PSME3IP1: variants seen among roughly 807,000 people sequenced by gnomAD.
The protein encoded by PSME3IP1 is proteasome activator subunit 3 interacting protein 1.
In PSME3IP1, 13 loss-of-function variants were observed where a neutral mutation model predicts 34.1. That is an observed-to-expected ratio of 0.38 (90% CI 0.25 to 0.61). PSME3IP1 has a LOEUF of 0.61. Among genes scored for constraint, PSME3IP1 ranks in the 20% least tolerant of loss-of-function variants. The pLI is 0.60. For synonymous variants in PSME3IP1, 93 were observed against 114.3 expected (o/e 0.81, Z 1.19); for missense variants, 237 against 301.4 (o/e 0.79, Z 1.58).
At chr16:57,172,184 A>C in intron 4 of PSME3IP1, 67 bp downstream of exon 4, 1 of 1,559,478 alleles carries the variant, frequency 6.4e-7, no homozygotes, top group Non-Finnish European at 8.8e-7. Context: ...TGATGAGGAG[A>C]CAACATCCAT....
At position 57,152,858 on chromosome 16, in the gene PSME3IP1, G is replaced by T. The variant is rs1344419843; in HGVS notation, c.*1432C>A. On this transcript the variant is annotated 3_prime_UTR_variant, in exon 7 of 7. Coordinates refer to ENST00000309137, the MANE Select transcript of PSME3IP1 (RefSeq NM_024946.4). ...TATGGGTGCAGGGAAGTCGCCATCT[G>T]CCAATGGGCACCAGAGTGTCACTGT... 6.6e-6 allele frequency: 1 copy of T among 152,596 alleles called. No homozygotes were observed. The highest frequency in any genetic ancestry group is 1.5e-5 in the Non-Finnish European group (1 of 68,076). 9.5% of individuals were successfully genotyped at this position (152,596 alleles called of 1,614,324 possible).
chr16:57,162,341 A>C (rs1433055865), intron 6 of PSME3IP1, among the ~76,000 whole-genome samples: 2 of 152,204 alleles, frequency 1.3e-5, no homozygotes, highest in Non-Finnish European at 2.9e-5. Context: ...TACAGTTGAG[A>C]GATATAAATG....
intron 5 of PSME3IP1, among the ~76,000 whole-genome samples, chr16:57,164,303 C>T (rs2071603809): frequency 1.3e-5 from 2 of 152,210 alleles, no homozygotes; most frequent in African/African-American, 2.4e-5. Flanking sequence ...TATCAACCAT[C>T]ACTTCAACTT....
intron 1 of PSME3IP1, among the ~76,000 whole-genome samples, chr16:57,180,505 G>A (rs1041505766): frequency 5.9e-5 from 9 of 152,028 alleles, no homozygotes; most frequent in Non-Finnish European, 1.0e-4. Flanking sequence ...CAGGAGAATC[G>A]CTTGAACCCA....
intron 1 of PSME3IP1, among the ~76,000 whole-genome samples, chr16:57,179,355 T>C (rs2073486430): frequency 6.6e-6 from 1 of 152,240 alleles, no homozygotes; most frequent in Non-Finnish European, 1.5e-5. Flanking sequence ...CAAATCTGCC[T>C]GACCGTCAAG....
At chr16:57,176,854 T>C (rs757837207) in intron 1 of PSME3IP1, among the ~76,000 whole-genome samples, 5 of 151,990 alleles carry the variant, frequency 3.3e-5, no homozygotes, top group Non-Finnish European at 7.4e-5. Flanking sequence ...TTGTTATATA[T>C]ATATAATTTT....
Position 57,163,981 on chromosome 16 carries a change from T to C in PSME3IP1, c.547+20A>G, listed in dbSNP as rs1330761810. On this transcript the variant is annotated intron_variant, in intron 6 of 6. Transcript: ENST00000309137. ...CATGTGTATTCTGAGTACAAGGAAGTAATGAAGGCTGCCACCCACCTTGAT... is the reference window on the plus strand; with the variant it reads ...CATGTGTATTCTGAGTACAAGGAAGCAATGAAGGCTGCCACCCACCTTGAT... 6.2e-7 allele frequency: 1 copy of C among 1,612,540 alleles called. No individual in the cohort carries two copies. The highest frequency in any genetic ancestry group is 1.3e-5 in the African/African-American group (1 of 74,998).
At chr16:57,183,534 T>C (rs981785818) in intron 1 of PSME3IP1, among the ~76,000 whole-genome samples, 2 of 152,122 alleles carry the variant, frequency 1.3e-5, no homozygotes, top group African/African-American at 2.4e-5. Context: ...GGTTTCACCA[T>C]GTTGGCCAGG....
At chr16:57,156,247 C>T (rs76088047) in intron 6 of PSME3IP1, among the ~76,000 whole-genome samples, 5,423 of 152,240 alleles carry the variant, frequency 0.036, 102 homozygotes, top group Middle Eastern at 0.11. Flanking sequence ...AGAGAACATA[C>T]GAAAATGATA....
chr16:57,157,897 T>G (rs1437449139), intron 6 of PSME3IP1, among the ~76,000 whole-genome samples: 1 of 152,226 alleles, frequency 6.6e-6, no homozygotes, highest in African/African-American at 2.4e-5. Context: ...CATTTATCTC[T>G]GTAACCCCAA....
intron 2 of PSME3IP1, 94 bp downstream of exon 2, chr16:57,173,634 A>C (rs1307702536): frequency 3.4e-6 from 5 of 1,481,018 alleles, no homozygotes; most frequent in Non-Finnish European, 9.2e-7. Flanking sequence ...GTCTCAAAAA[A>C]ATAAATAAAT....
intron 6 of PSME3IP1, among the ~76,000 whole-genome samples, chr16:57,155,211 A>C (rs1181114501): frequency 6.6e-6 from 1 of 152,210 alleles, no homozygotes; most frequent in African/African-American, 2.4e-5. Flanking sequence ...AGAAAACTGA[A>C]GCCTGTCAGG....
rs190005834 is a variant in PSME3IP1 at position 57,162,397 on chromosome 16, G to C, written c.547+1604C>G. 7.9e-5 allele frequency among the ~76,000 whole-genome samples: 12 copies of C among 152,242 alleles called. No homozygotes were observed. In the East Asian group the frequency reaches 2.1e-3, roughly 27 times the overall value. On this transcript the variant is annotated intron_variant, in intron 6 of 6. Coordinates refer to ENST00000309137, the MANE Select transcript of PSME3IP1 (RefSeq NM_024946.4). ...TAAAAACTGCTGACTGGGTGTGGTG[G>C]CTCACACCTGTAATCCCAGCACTTT...
At chr16:57,174,545 C>T in intron 1 of PSME3IP1, 1 of 985,430 alleles carries the variant, frequency 1.0e-6, no homozygotes, top group Non-Finnish European at 1.2e-6. Context: ...TCTCATCCTC[C>T]TTTATTTCTG....
chr16:57,157,267 C>G (rs753465870), intron 6 of PSME3IP1, among the ~76,000 whole-genome samples: 1 of 147,936 alleles, frequency 6.8e-6, no homozygotes, highest in Non-Finnish European at 1.5e-5. Flanking sequence ...GAGCCATGAT[C>G]GCACCACAGA....
chr16:57,184,025 T>C (rs1228700910), intron 1 of PSME3IP1, among the ~76,000 whole-genome samples: 1 of 152,072 alleles, frequency 6.6e-6, no homozygotes, highest in Non-Finnish European at 1.5e-5. Flanking sequence ...TTTAAAGAAA[T>C]AAAATTAAGC....
At chr16:57,172,427 T>G in intron 3 of PSME3IP1, 55 bp from the exon 4 acceptor site, 1 of 1,573,316 alleles carries the variant, frequency 6.4e-7, no homozygotes, top group Admixed American at 1.9e-5. Flanking sequence ...AAAATAAGAT[T>G]TTTCCTTTCC....
intron 6 of PSME3IP1, among the ~76,000 whole-genome samples, chr16:57,158,544 C>T (rs1442104341): frequency 6.6e-6 from 1 of 152,012 alleles, no homozygotes; most frequent in Admixed American, 6.6e-5. Context: ...GCCGGGATCG[C>T]ACCACCCCAC....
At chr16:57,174,464 T>C in intron 1 of PSME3IP1, 1 of 985,422 alleles carries the variant, frequency 1.0e-6, no homozygotes, top group Non-Finnish European at 1.2e-6. Flanking sequence ...GTAAATCTCA[T>C]ATTGCAGCTA....
Sources: gnomAD v4.1 joint callset for allele counts (sites outside exome capture counted in the v4.1 genomes callset) on GRCh38, gnomAD v4.1.1 for gene constraint, MANE v1.5 for transcripts, NCBI Gene and HGNC (gene_info 2026-07-23, HGNC 2026-07-21) for gene names.